Variants in DOCK2 observed in about 807,000 individuals in gnomAD.
DOCK2 encodes dedicator of cytokinesis 2, also known as dedicator of cytokinesis protein 2.
Under a neutral mutation model 248.9 loss-of-function variants are expected in DOCK2, and 87 were observed. The ratio of observed to expected loss-of-function variants is 0.35; its 90% CI spans 0.29 to 0.42. The LOEUF is 0.42. Among genes scored for constraint, DOCK2 ranks in the 10% least tolerant of loss-of-function variants. The probability of loss-of-function intolerance (pLI) is 1.00; values close to 1 mark genes in which losing one functional copy is unlikely to be tolerated. For synonymous variants in DOCK2, 805 were observed against 821.6 expected (o/e 0.98, Z 0.35); for missense variants, 1,747 against 2,300.2 (o/e 0.76, Z 4.92).
At position 169,975,560 on chromosome 5, in the gene DOCK2, G is replaced by A. The variant is rs144380153; in HGVS notation, c.2800-7508G>A. 5.4e-3 allele frequency among the ~76,000 whole-genome samples: 824 copies of A among 152,120 alleles called. 1 individual carries two copies. The highest frequency in any genetic ancestry group is 9.5e-3 in the Non-Finnish European group (647 of 68,004). ...ACGCTCCAAGCACATCCCACTTCGG[G>A]GCCTTTGCATCTACTGTTCTGCCAG... is the stretch of plus-strand genomic sequence containing the variant. On this transcript the variant is annotated intron_variant, in intron 27 of 51. Coordinates refer to ENST00000520908, the MANE Select transcript of DOCK2 (RefSeq NM_004946.3).
intron 30 of DOCK2, among the ~76,000 whole-genome samples, chr5:170,006,020 A>G (rs113005109): frequency 7.9e-5 from 12 of 152,272 alleles, no homozygotes; most frequent in African/African-American, 2.9e-4. Flanking sequence ...TCCTGTGGCC[A>G]CAGTTTTCTC....
intron 27 of DOCK2, among the ~76,000 whole-genome samples, chr5:169,963,239 T>C (rs1777163675): frequency 6.6e-6 from 1 of 152,226 alleles, no homozygotes; most frequent in South Asian, 2.1e-4. Context: ...TATCAGTTTA[T>C]GTCCATGAAC....
chr5:169,713,926 T>G, intron 17 of DOCK2, 102 bp from the exon 18 acceptor site: 2 of 1,341,104 alleles, frequency 1.5e-6, no homozygotes, highest in Non-Finnish European at 1.0e-6. Flanking sequence ...TCACTCTTTA[T>G]GACTCTCCCC....
intron 27 of DOCK2, among the ~76,000 whole-genome samples, chr5:169,960,737 A>G (rs1478167713): frequency 2.0e-5 from 3 of 152,208 alleles, no homozygotes; most frequent in Admixed American, 1.3e-4. Context: ...ACTTGCAGTT[A>G]ATTGTGGTCC....
chr5:169,792,235 G>T (rs1766381696), intron 25 of DOCK2, among the ~76,000 whole-genome samples: 1 of 152,132 alleles, frequency 6.6e-6, no homozygotes, highest in Non-Finnish European at 1.5e-5. Flanking sequence ...ATTGGAAATG[G>T]TGTCAAAGGA....
intron 29 of DOCK2, among the ~76,000 whole-genome samples, chr5:169,988,287 C>T (rs547679678): frequency 4.6e-5 from 7 of 151,924 alleles, no homozygotes; most frequent in Non-Finnish European, 8.8e-5. Context: ...TATTAAGTAC[C>T]GAGATCCATC....
At chr5:169,974,620 C>T (rs1405804432) in intron 27 of DOCK2, among the ~76,000 whole-genome samples, 1 of 152,046 alleles carries the variant, frequency 6.6e-6, no homozygotes, top group Non-Finnish European at 1.5e-5. Context: ...GGGAGCGGAG[C>T]TGCTTAGGAT....
chr5:170,030,215 T>G (rs892702003), intron 34 of DOCK2, among the ~76,000 whole-genome samples: 5 of 152,078 alleles, frequency 3.3e-5, no homozygotes, highest in Admixed American at 6.5e-5. Context: ...CCTTCCTGAG[T>G]GATTATTTAT....
chr5:169,841,834 G>C lies in DOCK2; in HGVS notation c.2799+982G>C, dbSNP rs147959542. ...GGTTATTGTCTAGCTATCCTCATGA[G>C]AATATGAGCTCCAGGAAAGTAAGCA... On this transcript the variant is annotated intron_variant, in intron 27 of 51. Coordinates refer to ENST00000520908, the MANE Select transcript of DOCK2 (RefSeq NM_004946.3). Among the ~76,000 whole-genome samples, 1,344 of 152,254 alleles carry C rather than the reference G, an allele frequency of 8.8e-3. 23 individuals carry two copies. Among genetic ancestry groups the C allele is most frequent in the South Asian group, 0.042 (204 of 4,820 alleles).
At chr5:169,732,875 C>T (rs1762856443) in intron 22 of DOCK2, among the ~76,000 whole-genome samples, 1 of 152,126 alleles carries the variant, frequency 6.6e-6, no homozygotes, top group African/African-American at 2.4e-5. Context: ...AAATATAGAA[C>T]ATTTTGTACC....
intron 1 of DOCK2, among the ~76,000 whole-genome samples, chr5:169,648,781 A>G (rs545585834): frequency 1.1e-4 from 16 of 152,176 alleles, no homozygotes; most frequent in Non-Finnish European, 2.2e-4. Flanking sequence ...CCCTTGGAAT[A>G]GTGTCTGGTA....
chr5:169,652,452 C>A (rs1458145050), intron 1 of DOCK2, among the ~76,000 whole-genome samples: 4 of 152,254 alleles, frequency 2.6e-5, no homozygotes, highest in African/African-American at 9.6e-5. Flanking sequence ...AGGATGGAGA[C>A]TTCATCTCTC....
At chr5:169,811,212 CG>C (rs1767731055) in intron 26 of DOCK2, among the ~76,000 whole-genome samples, 1 of 152,172 alleles carries the variant, frequency 6.6e-6, no homozygotes, top group Admixed American at 6.5e-5. Flanking sequence ...TGCCTGTCTA[CG>C]CTTGGGCGCC....
intron 25 of DOCK2, among the ~76,000 whole-genome samples, chr5:169,761,947 G>C (rs1314690323): frequency 6.6e-6 from 1 of 152,174 alleles, no homozygotes; most frequent in Non-Finnish European, 1.5e-5. Context: ...TTAGTAGAAA[G>C]AGCCTTTCAC....
chr5:170,067,108 G>A (rs1757517808), intron 44 of DOCK2, among the ~76,000 whole-genome samples: 1 of 152,168 alleles, frequency 6.6e-6, no homozygotes, highest in African/African-American at 2.4e-5. Flanking sequence ...GACCTACTAT[G>A]TGCCAGGCTG....
At chr5:169,953,705 T>A (rs760237987) in intron 27 of DOCK2, among the ~76,000 whole-genome samples, 3 of 152,150 alleles carry the variant, frequency 2.0e-5, no homozygotes, top group Non-Finnish European at 2.9e-5. Context: ...CAGCATAAAG[T>A]GAACTCCTCA....
At chr5:169,698,347 C>T (rs756565534) in intron 10 of DOCK2, 27 bp from the exon 11 acceptor site, 1 of 1,607,818 alleles carries the variant, frequency 6.2e-7, no homozygotes, top group South Asian at 1.1e-5. Context: ...GAAGTTAAAC[C>T]ATTAATTCAT....
rs10475918 is a variant in DOCK2, at chr5:169,641,353, G to A, written c.43+3984G>A. Among the ~76,000 whole-genome samples the A allele has an allele frequency of 9.0e-3, 1,371 of 152,306 alleles. 27 individuals are homozygous for A. The highest frequency in any genetic ancestry group is 0.032 in the African/African-American group (1,310 of 41,552). On this transcript the variant is annotated intron_variant, in intron 1 of 51. Coordinates refer to ENST00000520908, the MANE Select transcript of DOCK2 (RefSeq NM_004946.3). ...TTTCACAGCTTGGTTGGGGAATATG[G>A]AGGAATCCATAACCAGCTCGTGGTT...
intron 27 of DOCK2, among the ~76,000 whole-genome samples, chr5:169,926,224 C>A (rs1023443154): frequency 2.0e-5 from 3 of 152,114 alleles, no homozygotes; most frequent in African/African-American, 4.8e-5. Context: ...ACTTGGGGAC[C>A]ACGGGGAAGC....
Sources: gnomAD v4.1 joint callset for allele counts (sites outside exome capture counted in the v4.1 genomes callset) on GRCh38, gnomAD v4.1.1 for gene constraint, MANE v1.5 for transcripts, NCBI Gene and HGNC (gene_info 2026-07-23, HGNC 2026-07-21) for gene names.